XKR9: variants seen among roughly 807,000 people sequenced by gnomAD.
XKR9 encodes the protein XK-related protein 9.
Under a neutral mutation model 32.0 loss-of-function variants are expected in XKR9, and 32 were observed. The ratio of observed to expected loss-of-function variants is 1.00; its 90% CI spans 0.76 to 1.34. The LOEUF is 1.34. XKR9 is among the 40% of genes most tolerant of loss of function. The pLI is 0.00. For synonymous variants in XKR9, 168 were observed against 143.4 expected (o/e 1.17, Z -1.22); for missense variants, 546 against 429.7 (o/e 1.27, Z -2.39).
At chr8:70,983,364 T>A in the XKR9 span, among the ~76,000 whole-genome samples, 20 of 152,162 alleles carry the variant, frequency 1.3e-4, no homozygotes, top group African/African-American at 4.8e-4. Context: ...TATCACCACT[T>A]GACGCAGCCT....
intron 2 of XKR9, among the ~76,000 whole-genome samples, chr8:70,746,508 A>T (rs1807061661): frequency 6.7e-6 from 1 of 150,050 alleles, no homozygotes; most frequent in East Asian, 1.9e-4. Flanking sequence ...TAAAGATCAC[A>T]GAGTATAGGG....
At chr8:70,759,026 A>G (rs935290957) in intron 2 of XKR9, among the ~76,000 whole-genome samples, 1 of 152,196 alleles carries the variant, frequency 6.6e-6, no homozygotes, top group African/African-American at 2.4e-5. Flanking sequence ...TCTAAGCTAT[A>G]TTATGCAAAT....
intron 4 of XKR9, among the ~76,000 whole-genome samples, chr8:70,710,185 C>A (rs939159867): frequency 6.6e-6 from 1 of 152,040 alleles, no homozygotes; most frequent in South Asian, 2.1e-4. Flanking sequence ...TAACAAGCAA[C>A]AGGGAAAGGA....
chr8:70,693,748 G>T (rs1460151361), intron 3 of XKR9, among the ~76,000 whole-genome samples: 1 of 152,222 alleles, frequency 6.6e-6, no homozygotes, highest in Non-Finnish European at 1.5e-5. Context: ...GACAAGCTAT[G>T]TAGGGTATGG....
the XKR9 span, among the ~76,000 whole-genome samples, chr8:70,821,306 C>T: frequency 1.3e-5 from 2 of 152,354 alleles, no homozygotes; most frequent in South Asian, 4.1e-4. Context: ...TCTTGAGCAG[C>T]TCCACCCCTG....
chr8:70,960,418 A>G, the XKR9 span, among the ~76,000 whole-genome samples: 1 of 152,236 alleles, frequency 6.6e-6, no homozygotes, highest in Middle Eastern at 3.4e-3. Context: ...CATGACCTAG[A>G]CTTGTCCACT....
the XKR9 span, among the ~76,000 whole-genome samples, chr8:71,048,077 C>A: frequency 6.6e-6 from 1 of 152,054 alleles, no homozygotes; most frequent in African/African-American, 2.4e-5. Context: ...GTGAGGGAGA[C>A]ACATTCCGTG....
chr8:70,731,956 T>C (rs1487781343), intron 4 of XKR9, among the ~76,000 whole-genome samples: 1 of 152,160 alleles, frequency 6.6e-6, no homozygotes, highest in African/African-American at 2.4e-5. Context: ...ATCCTCCTAT[T>C]CTTAGTCTGA....
At chr8:70,773,827 CT>C (rs1807484588) in intron 2 of XKR9, among the ~76,000 whole-genome samples, 1 of 152,042 alleles carries the variant, frequency 6.6e-6, no homozygotes, top group Non-Finnish European at 1.5e-5. Flanking sequence ...GGAATGGACT[CT>C]TCATTTCTTT....
the XKR9 span, among the ~76,000 whole-genome samples, chr8:70,978,872 C>T: frequency 6.6e-6 from 1 of 152,168 alleles, no homozygotes; most frequent in Non-Finnish European, 1.5e-5. Flanking sequence ...TCCAGTACAC[C>T]AATCAAGCAT....
chr8:70,732,856 G>T (rs892015523), intron 4 of XKR9, among the ~76,000 whole-genome samples: 1 of 152,186 alleles, frequency 6.6e-6, no homozygotes, highest in South Asian at 2.1e-4. Flanking sequence ...AGTGGCTCAC[G>T]CCTGTAATCC....
the XKR9 span, among the ~76,000 whole-genome samples, chr8:70,971,514 T>C: frequency 1.3e-5 from 2 of 152,170 alleles, no homozygotes; most frequent in African/African-American, 4.8e-5. Context: ...TGCTTTGGGT[T>C]CTTGGTCATG....
chr8:70,683,547 G>C, intron 3 of XKR9: 2 of 451,650 alleles, frequency 4.4e-6, no homozygotes, highest in Non-Finnish European at 8.9e-6. Flanking sequence ...GCCTGCAGTG[G>C]CGCCTTCCCA....
At chr8:70,801,612 A>G in the XKR9 span, among the ~76,000 whole-genome samples, 1 of 152,136 alleles carries the variant, frequency 6.6e-6, no homozygotes, top group African/African-American at 2.4e-5. Flanking sequence ...TATGTTCCAT[A>G]TGCAGATGAG....
the XKR9 span, among the ~76,000 whole-genome samples, chr8:70,867,319 C>T: frequency 4.6e-5 from 7 of 152,174 alleles, no homozygotes; most frequent in African/African-American, 7.2e-5. Context: ...CCACAATATA[C>T]GGGAATTCAA....
intron 4 of XKR9, among the ~76,000 whole-genome samples, chr8:70,728,028 G>A (rs774475305): frequency 3.9e-5 from 6 of 152,160 alleles, no homozygotes; most frequent in Non-Finnish European, 8.8e-5. Context: ...TACAAAGGCA[G>A]TCTAATCTCC....
chr8:70,921,284 A>C, the XKR9 span, among the ~76,000 whole-genome samples: 2 of 152,198 alleles, frequency 1.3e-5, no homozygotes, highest in Non-Finnish European at 2.9e-5. Flanking sequence ...CTTTCTGTGG[A>C]GGCCTCTGCA....
chr8:70,731,323 G>C (rs373861888), intron 4 of XKR9, among the ~76,000 whole-genome samples: 1 of 121,798 alleles, frequency 8.2e-6, no homozygotes, highest in African/African-American at 2.7e-5. Context: ...AATTTCATAT[G>C]CTTTTTTTTT....
At chr8:70,976,429 G>C in the XKR9 span, among the ~76,000 whole-genome samples, 6 of 152,178 alleles carry the variant, frequency 3.9e-5, no homozygotes, top group African/African-American at 1.4e-4. Context: ...AGCATGAAGG[G>C]CTGTTGAATT....
Sources: allele counts gnomAD v4.1 joint callset (sites outside exome capture counted in the v4.1 genomes callset), GRCh38; gene constraint gnomAD v4.1.1; transcripts MANE v1.5; gene names NCBI Gene and HGNC (gene_info 2026-07-23, HGNC 2026-07-21).